The following KCNIP4 variants were observed in gnomAD, a reference collection of about 807,000 sequenced individuals.
KCNIP4 encodes the protein Kv channel-interacting protein 4.
A neutral mutation model predicts 34.0 loss-of-function variants in KCNIP4; 12 were observed. The ratio of observed to expected loss-of-function variants is 0.35; its 90% CI spans 0.23 to 0.57. KCNIP4 has a LOEUF of 0.57. Among genes scored for constraint, KCNIP4 ranks in the 20% least tolerant of loss-of-function variants. The pLI is 0.83. For synonymous variants in KCNIP4, 124 were observed against 102.2 expected (o/e 1.21, Z -1.29); for missense variants, 238 against 311.7 (o/e 0.76, Z 1.78).
intron 1 of KCNIP4, among the ~76,000 whole-genome samples, chr4:21,691,654 G>A (rs940726303): frequency 3.4e-5 from 5 of 148,630 alleles, no homozygotes; most frequent in Admixed American, 1.3e-4. Context: ...TGGTAAGAAA[G>A]CTCTGATTAC....
At chr4:21,767,579 C>CT (rs936649059) in intron 1 of KCNIP4, among the ~76,000 whole-genome samples, 8 of 151,922 alleles carry the variant, frequency 5.3e-5, no homozygotes, top group Non-Finnish European at 8.8e-5. Flanking sequence ...GGTTAATTAG[C>CT]TTTTTTTAGC....
chr4:20,745,142 C>T (rs1348487792), intron 5 of KCNIP4, among the ~76,000 whole-genome samples: 1 of 152,174 alleles, frequency 6.6e-6, no homozygotes, highest in Non-Finnish European at 1.5e-5. Context: ...TGCAGCCCTA[C>T]AGGGTCCCAC....
intron 3 of KCNIP4, among the ~76,000 whole-genome samples, chr4:20,761,331 A>T (rs1754939604): frequency 6.6e-6 from 1 of 152,216 alleles, no homozygotes; most frequent in Admixed American, 6.5e-5. Flanking sequence ...ATTTCTCTGA[A>T]GGACCCTAAT....
intron 1 of KCNIP4, among the ~76,000 whole-genome samples, chr4:20,884,993 G>A (rs558618902): frequency 3.2e-4 from 48 of 152,152 alleles, no homozygotes; most frequent in African/African-American, 9.4e-4. Context: ...GAGCTACTGC[G>A]CCCAGCCCCA....
At chr4:21,920,612 G>A (rs1173049508) in intron 1 of KCNIP4, among the ~76,000 whole-genome samples, 3 of 151,914 alleles carry the variant, frequency 2.0e-5, no homozygotes, top group Admixed American at 2.0e-4. Context: ...CCAACCTATT[G>A]AAATAAAAAT....
chr4:21,852,697 C>T (rs1028293155), intron 1 of KCNIP4: 1 of 152,160 alleles, frequency 6.6e-6, no homozygotes, highest in Non-Finnish European at 1.5e-5. Flanking sequence ...TCATACATGA[C>T]ACATTCAAAC....
chr4:21,012,046 G>A (rs996249992), intron 1 of KCNIP4, among the ~76,000 whole-genome samples: 9 of 152,180 alleles, frequency 5.9e-5, no homozygotes, highest in Non-Finnish European at 1.2e-4. Context: ...AAGCTAATTC[G>A]AAAGGGAAGC....
intron 1 of KCNIP4, among the ~76,000 whole-genome samples, chr4:21,737,237 GT>G (rs1362147371): frequency 2.0e-5 from 3 of 151,992 alleles, no homozygotes; most frequent in Admixed American, 2.0e-4. Flanking sequence ...AAAATTTAAT[GT>G]TCTCATCATT....
chr4:21,228,031 G>A (rs1283020684), intron 1 of KCNIP4, among the ~76,000 whole-genome samples: 1 of 152,144 alleles, frequency 6.6e-6, no homozygotes, highest in Non-Finnish European at 1.5e-5. Flanking sequence ...ATATCACATT[G>A]CTGCGATTGC....
At chr4:21,562,480 T>C (rs1203564141) in intron 1 of KCNIP4, among the ~76,000 whole-genome samples, 1 of 152,078 alleles carries the variant, frequency 6.6e-6, no homozygotes, top group African/African-American at 2.4e-5. Context: ...TTAACTATGC[T>C]AATTGTTTAT....
chr4:20,953,275 T>G (rs1047894780), intron 1 of KCNIP4, among the ~76,000 whole-genome samples: 1 of 152,352 alleles, frequency 6.6e-6, no homozygotes. Flanking sequence ...GCTTCGTCAC[T>G]GATTGCACAT....
intron 1 of KCNIP4, among the ~76,000 whole-genome samples, chr4:21,549,810 G>C (rs1413035233): frequency 6.6e-6 from 1 of 151,922 alleles, no homozygotes; most frequent in African/African-American, 2.4e-5. Flanking sequence ...ATTAACTTTG[G>C]GACAATTGGA....
chr4:21,176,123 T>C (rs1754391828), intron 1 of KCNIP4, among the ~76,000 whole-genome samples: 1 of 152,242 alleles, frequency 6.6e-6, no homozygotes, highest in African/African-American at 2.4e-5. Flanking sequence ...GCTAAGATTT[T>C]TAGTCAAGTC....
rs536283095 is a variant in KCNIP4, at chr4:21,618,837, C to T, written c.61+329734G>A. On this transcript the variant is annotated intron_variant, in intron 1 of 8. Coordinates refer to ENST00000382152, the MANE Select transcript of KCNIP4 (RefSeq NM_025221.6). Reference sequence around the variant, plus strand: ...TTTAGTAGAGACGGGATTTCACCCTCTTAGCCAGGATGGTCTCGATCACCT... The same window carrying T: ...TTTAGTAGAGACGGGATTTCACCCTTTTAGCCAGGATGGTCTCGATCACCT... Among the ~76,000 whole-genome samples, 38 of 151,770 alleles carry T rather than the reference C, an allele frequency of 2.5e-4. No individual in the cohort carries two copies. The East Asian group carries it at 5.8e-3, about 23-fold the overall frequency.
chr4:20,760,187 A>AC (rs1315323964), intron 3 of KCNIP4, among the ~76,000 whole-genome samples: 1 of 152,154 alleles, frequency 6.6e-6, no homozygotes, highest in Non-Finnish European at 1.5e-5. Flanking sequence ...ATTCTCATGA[A>AC]CAGTCCCATG....
intron 1 of KCNIP4, among the ~76,000 whole-genome samples, chr4:21,889,933 A>T (rs187477929): frequency 9.9e-5 from 15 of 152,104 alleles, no homozygotes; most frequent in Admixed American, 9.2e-4. Flanking sequence ...TAGTTTGAAT[A>T]TTGGTTTTGG....
At chr4:21,464,465 G>C (rs12640912) in intron 1 of KCNIP4, among the ~76,000 whole-genome samples, 1 of 151,858 alleles carries the variant, frequency 6.6e-6, no homozygotes, top group Admixed American at 6.6e-5. Context: ...TTACTCAAGA[G>C]TGTGTTGCTT....
chr4:21,303,923 G>A, intron 1 of KCNIP4: 1 of 1,613,570 alleles, frequency 6.2e-7, no homozygotes, highest in Non-Finnish European at 8.5e-7. Flanking sequence ...CTAGGTCATG[G>A]TCCGACCACA....
intron 1 of KCNIP4, among the ~76,000 whole-genome samples, chr4:20,931,617 GTAT>G (rs1730480636): frequency 6.6e-6 from 1 of 151,988 alleles, no homozygotes; most frequent in Admixed American, 6.6e-5. Context: ...TAAAAATGTG[GTAT>G]TATAATCTTA....
Sources: gnomAD v4.1 joint callset for allele counts (sites outside exome capture counted in the v4.1 genomes callset) on GRCh38, gnomAD v4.1.1 for gene constraint, MANE v1.5 for transcripts, NCBI Gene and HGNC (gene_info 2026-07-23, HGNC 2026-07-21) for gene names.